PTPRM: variants seen among roughly 807,000 people sequenced by gnomAD.
The protein encoded by PTPRM is receptor-type tyrosine-protein phosphatase mu.
In PTPRM, 47 loss-of-function variants were observed where a neutral mutation model predicts 186.7. The ratio of observed to expected loss-of-function variants is 0.25; its 90% CI spans 0.20 to 0.32. The LOEUF is 0.32. PTPRM is among the 10% of genes least tolerant of loss of function. The probability of loss-of-function intolerance (pLI) is 1.00; values close to 1 mark genes in which losing one functional copy is unlikely to be tolerated. For synonymous variants in PTPRM, 668 were observed against 674.9 expected, an observed-to-expected ratio of 0.99 and a Z score of 0.16; for missense variants, 1,494 against 1,865.0, an observed-to-expected ratio of 0.80 and a Z score of 3.66.
chr18:8,116,451 T>C (rs1045115585), intron 13 of PTPRM, among the ~76,000 whole-genome samples: 3 of 152,216 alleles, frequency 2.0e-5, no homozygotes, highest in Admixed American at 6.5e-5. Context: ...CCAAGGTGAC[T>C]CAGCTGATAA....
At chr18:7,898,749 A>AGT (rs2049503922) in intron 3 of PTPRM, among the ~76,000 whole-genome samples, 2 of 152,184 alleles carry the variant, frequency 1.3e-5, no homozygotes, top group Admixed American at 1.3e-4. Context: ...AGGGCTGCAA[A>AGT]TATCTGGGCG....
chr18:7,768,207 A>C (rs1358380367), intron 1 of PTPRM, among the ~76,000 whole-genome samples: 2 of 152,166 alleles, frequency 1.3e-5, no homozygotes, highest in East Asian at 3.8e-4. Context: ...GATTTCTAAA[A>C]CATGTAGGAT....
At chr18:7,886,756 A>G (rs573698183) in intron 2 of PTPRM, among the ~76,000 whole-genome samples, 16 of 152,264 alleles carry the variant, frequency 1.1e-4, no homozygotes, top group Middle Eastern at 3.4e-3. Flanking sequence ...AACCTGGCTC[A>G]CCTCATAGCT....
intron 14 of PTPRM, chr18:8,154,722 A>G (rs1263499036): frequency 1.3e-5 from 2 of 152,248 alleles, no homozygotes; most frequent in Admixed American, 6.5e-5. Context: ...TAATTAGTAC[A>G]TGGAATTATT....
chr18:7,612,671 C>T (rs1401259409), intron 1 of PTPRM, among the ~76,000 whole-genome samples: 2 of 152,146 alleles, frequency 1.3e-5, no homozygotes, highest in African/African-American at 4.8e-5. Context: ...TGCATTCTAG[C>T]CAGGTCCTCC....
chr18:7,613,667 C>T (rs772989890), intron 1 of PTPRM, among the ~76,000 whole-genome samples: 25 of 149,310 alleles, frequency 1.7e-4, no homozygotes, highest in Admixed American at 1.1e-3. Flanking sequence ...AGCGAGACTC[C>T]GTCTCAAAAA....
intron 8 of PTPRM, among the ~76,000 whole-genome samples, chr18:8,073,229 A>C (rs1411608852): frequency 1.3e-5 from 2 of 152,232 alleles, no homozygotes; most frequent in Non-Finnish European, 2.9e-5. Context: ...CCGCCTATGG[A>C]GTAGCCATTC....
chr18:7,981,693 T>G (rs2082560155), intron 7 of PTPRM, among the ~76,000 whole-genome samples: 2 of 152,302 alleles, frequency 1.3e-5, no homozygotes, highest in African/African-American at 2.4e-5. Flanking sequence ...CTTTAGGTGA[T>G]TTGGTCATTC....
chr18:7,597,038 A>G (rs982434729), intron 1 of PTPRM, among the ~76,000 whole-genome samples: 3 of 152,094 alleles, frequency 2.0e-5, no homozygotes, highest in African/African-American at 7.2e-5. Context: ...ATTTTTTAGT[A>G]GAGACTAGGT....
chr18:7,897,943 A>G (rs1346793885), intron 3 of PTPRM, among the ~76,000 whole-genome samples: 3 of 152,254 alleles, frequency 2.0e-5, no homozygotes, highest in Admixed American at 2.0e-4. Context: ...ACATTTAAAA[A>G]TAACATTGCA....
intron 7 of PTPRM, among the ~76,000 whole-genome samples, chr18:8,015,474 T>C (rs988232082): frequency 6.6e-6 from 1 of 152,180 alleles, no homozygotes; most frequent in African/African-American, 2.4e-5. Flanking sequence ...TAGCTTCAAA[T>C]CCAACAAAGA....
intron 7 of PTPRM, among the ~76,000 whole-genome samples, chr18:8,023,946 G>A (rs1043469016): frequency 6.6e-6 from 1 of 151,752 alleles, no homozygotes; most frequent in African/African-American, 2.4e-5. Flanking sequence ...TTTGAAATAT[G>A]TGTTTTAATC....
chr18:7,807,744 G>A (rs16952548), intron 2 of PTPRM, among the ~76,000 whole-genome samples: 2,083 of 152,330 alleles, frequency 0.014, 51 homozygotes, highest in African/African-American at 0.046. Context: ...ATGACGTGAT[G>A]TGTGCCTGTG....
At chr18:7,764,055 A>G (rs542317516) in intron 1 of PTPRM, among the ~76,000 whole-genome samples, 1 of 152,116 alleles carries the variant, frequency 6.6e-6, no homozygotes, top group Non-Finnish European at 1.5e-5. Flanking sequence ...CTTAGGAGAA[A>G]AATTATAGAT....
intron 2 of PTPRM, among the ~76,000 whole-genome samples, chr18:7,795,387 G>A (rs1411904782): frequency 6.6e-6 from 1 of 151,722 alleles, no homozygotes; most frequent in East Asian, 1.9e-4. Flanking sequence ...ATTTTGAATG[G>A]TGCCTGTGTA....
intron 14 of PTPRM, among the ~76,000 whole-genome samples, chr18:8,175,354 G>C (rs2093465359): frequency 6.6e-6 from 1 of 152,158 alleles, no homozygotes; most frequent in Admixed American, 6.5e-5. Flanking sequence ...CAACTGGAGT[G>C]AATAAATATT....
At chr18:7,964,456 GTTGT>G (rs760499427) in intron 7 of PTPRM, among the ~76,000 whole-genome samples, 1 of 152,024 alleles carries the variant, frequency 6.6e-6, no homozygotes, top group Admixed American at 6.6e-5. Context: ...TGTTGTTGTT[GTTGT>G]TTGTTTGTTT....
Position 7,680,601 on chromosome 18 carries a change from A to G in PTPRM, c.74-93548A>G, listed in dbSNP as rs754007551. 2.2e-4 allele frequency among the ~76,000 whole-genome samples: 33 copies of G among 152,234 alleles called. 1 individual carries two copies. The highest frequency in any genetic ancestry group is 1.2e-3 in the South Asian group (6 of 4,824). On this transcript the variant is annotated intron_variant, in intron 1 of 32. Transcript: ENST00000580170. ...AATTGTTGTATATTTCCTCTGTCCA[A>G]TTGCACATGGGCCAGAGACTTATGT...
At chr18:7,658,549 C>T (rs187069684) in intron 1 of PTPRM, among the ~76,000 whole-genome samples, 15 of 151,950 alleles carry the variant, frequency 9.9e-5, no homozygotes, top group African/African-American at 3.6e-4. Context: ...ATGTCTGATG[C>T]CTTTGATTTT....
Sources: allele counts gnomAD v4.1 joint callset (sites outside exome capture counted in the v4.1 genomes callset), GRCh38; gene constraint gnomAD v4.1.1; transcripts MANE v1.5; gene names NCBI Gene and HGNC (gene_info 2026-07-23, HGNC 2026-07-21).